Variants in GRID1 observed in about 807,000 individuals in gnomAD.
GRID1 encodes glutamate ionotropic receptor delta type subunit 1.
Under a neutral mutation model 98.0 loss-of-function variants are expected in GRID1, and 28 were observed. That is an observed-to-expected ratio of 0.29 (90% CI 0.21 to 0.39). The LOEUF is 0.39. Among genes scored for constraint, GRID1 ranks in the 10% least tolerant of loss-of-function variants. The pLI is 1.00. For missense variants in GRID1, 1,111 were observed against 1,340.5 expected, an observed-to-expected ratio of 0.83 and a Z score of 2.67; for synonymous variants, 553 against 538.5, an observed-to-expected ratio of 1.03 and a Z score of -0.37.
chr10:86,163,616 G>A (rs181281804), intron 3 of GRID1, among the ~76,000 whole-genome samples: 75 of 152,226 alleles, frequency 4.9e-4, no homozygotes, highest in Admixed American at 8.5e-4. Flanking sequence ...GTCAGCCACC[G>A]ACCAGGCAGG....
intron 8 of GRID1, among the ~76,000 whole-genome samples, chr10:85,828,885 A>C (rs1564603143): frequency 6.6e-6 from 1 of 152,208 alleles, no homozygotes. Context: ...GTGTATAAAG[A>C]AGAGCTGGTA....
chr10:86,238,803 G>A (rs1243511031), intron 2 of GRID1, among the ~76,000 whole-genome samples: 1 of 152,156 alleles, frequency 6.6e-6, no homozygotes, highest in African/African-American at 2.4e-5. Context: ...GTTGAGGCTT[G>A]GGAGCCTCCA....
At chr10:85,707,478 G>T (rs980750238) in intron 12 of GRID1, among the ~76,000 whole-genome samples, 2 of 152,184 alleles carry the variant, frequency 1.3e-5, no homozygotes, top group Admixed American at 6.5e-5. Flanking sequence ...TGCTGGAGAG[G>T]ATGTGGAGAA....
chr10:85,925,418 G>A (rs1248532261), intron 4 of GRID1, among the ~76,000 whole-genome samples: 1 of 152,188 alleles, frequency 6.6e-6, no homozygotes, highest in Non-Finnish European at 1.5e-5. Context: ...TGGTTTGGCG[G>A]GGGCAGCCAC....
intron 13 of GRID1, among the ~76,000 whole-genome samples, chr10:85,623,093 T>C (rs914877969): frequency 6.6e-6 from 1 of 152,216 alleles, no homozygotes; most frequent in African/African-American, 2.4e-5. Flanking sequence ...AAATGTCGTC[T>C]TCACTTCCTT....
At chr10:85,765,539 C>A (rs1211909717) in intron 8 of GRID1, among the ~76,000 whole-genome samples, 1 of 152,084 alleles carries the variant, frequency 6.6e-6, no homozygotes, top group East Asian at 1.9e-4. Context: ...ACATTGCTGT[C>A]AAAATGCAGT....
rs571893890 is a variant in GRID1 at position 86,096,146 on chromosome 10, A to G, written c.726+42673T>C. ...CTCACTGATATGTGGGAGCTAAGCT[A>G]TGAGGACACAAAGCCACAAGAATGA... On this transcript the variant is annotated intron_variant, in intron 4 of 15. Transcript: ENST00000327946. 2.6e-5 allele frequency among the ~76,000 whole-genome samples: 4 copies of G among 152,312 alleles called. No homozygotes were observed. In the South Asian group the frequency reaches 8.3e-4, roughly 32 times the overall value.
chr10:86,315,729 C>G (rs947082409), intron 2 of GRID1, among the ~76,000 whole-genome samples: 7 of 151,972 alleles, frequency 4.6e-5, no homozygotes, highest in African/African-American at 1.5e-4. Flanking sequence ...CCATATACAT[C>G]TGCCTCCAAC....
At chr10:85,721,017 G>A in intron 12 of GRID1, among the ~76,000 whole-genome samples, 1 of 152,008 alleles carries the variant, frequency 6.6e-6, no homozygotes, top group South Asian at 2.1e-4. Context: ...AAAGTAATAA[G>A]CAATCCATTT....
In GRID1 at chr10:86,072,952, T is replaced by A. The variant is rs79948845; in HGVS notation, c.726+65867A>T. Reference sequence around the variant, plus strand: ...TACCCAATGCCAAAGCCATAATATTTGGAAACATGAAGATAGCTGATGGAA... The same window carrying A: ...TACCCAATGCCAAAGCCATAATATTAGGAAACATGAAGATAGCTGATGGAA... On this transcript the variant is annotated intron_variant, in intron 4 of 15. Coordinates refer to ENST00000327946, the MANE Select transcript of GRID1 (RefSeq NM_017551.3). Among the ~76,000 whole-genome samples, 499 of 152,346 alleles carry A rather than the reference T, an allele frequency of 3.3e-3. 14 individuals are homozygous for A. The East Asian group carries it at 0.085, about 26-fold the overall frequency.
intron 4 of GRID1, among the ~76,000 whole-genome samples, chr10:85,959,546 C>A (rs183235052): frequency 6.6e-6 from 1 of 151,420 alleles, no homozygotes; most frequent in Non-Finnish European, 1.5e-5. Flanking sequence ...CGCCCCCACC[C>A]GAGGCAACCA....
chr10:85,890,194 T>G (rs893145120), intron 5 of GRID1, among the ~76,000 whole-genome samples: 2 of 152,066 alleles, frequency 1.3e-5, no homozygotes, highest in African/African-American at 4.8e-5. Context: ...TGATTACTGA[T>G]GTTAGGAGAA....
chr10:86,226,732 G>A (rs754147397), intron 2 of GRID1, among the ~76,000 whole-genome samples: 23 of 145,806 alleles, frequency 1.6e-4, no homozygotes, highest in Non-Finnish European at 2.4e-4. Context: ...GTCCCAGCCC[G>A]GCCTCCTCAC....
intron 8 of GRID1, among the ~76,000 whole-genome samples, chr10:85,754,079 T>G (rs1487209825): frequency 6.6e-6 from 1 of 152,188 alleles, no homozygotes; most frequent in African/African-American, 2.4e-5. Context: ...CCCAGTGATG[T>G]GACAATTTCA....
intron 2 of GRID1, among the ~76,000 whole-genome samples, chr10:86,305,013 T>C (rs188217116): frequency 9.2e-5 from 14 of 152,184 alleles, no homozygotes; most frequent in Non-Finnish European, 1.2e-4. Context: ...TATGAAGGTA[T>C]TTTTCAGATG....
At chr10:85,665,286 C>T (rs571314840) in intron 12 of GRID1, among the ~76,000 whole-genome samples, 20 of 152,222 alleles carry the variant, frequency 1.3e-4, no homozygotes, top group Admixed American at 9.8e-4. Flanking sequence ...GGATGAAGGG[C>T]GTCAACCTAC....
intron 4 of GRID1, among the ~76,000 whole-genome samples, chr10:86,126,563 G>A (rs1189560765): frequency 1.3e-5 from 2 of 152,208 alleles, no homozygotes; most frequent in Non-Finnish European, 2.9e-5. Flanking sequence ...AACAGGGCTC[G>A]CTTCACACTA....
chr10:85,680,869 C>T (rs892711677), intron 12 of GRID1, among the ~76,000 whole-genome samples: 1 of 152,074 alleles, frequency 6.6e-6, no homozygotes, highest in Non-Finnish European at 1.5e-5. Context: ...TTATCCTAAG[C>T]GGAATAACTC....
chr10:86,325,519 A>G (rs1848036357), intron 2 of GRID1, among the ~76,000 whole-genome samples: 1 of 152,258 alleles, frequency 6.6e-6, no homozygotes, highest in African/African-American at 2.4e-5. Flanking sequence ...TCCTTAAGAA[A>G]AAGGTATTCA....
Sources: gnomAD v4.1 joint callset for allele counts (sites outside exome capture counted in the v4.1 genomes callset) on GRCh38, gnomAD v4.1.1 for gene constraint, MANE v1.5 for transcripts, NCBI Gene and HGNC (gene_info 2026-07-23, HGNC 2026-07-21) for gene names.